The following COL8A1 variants were observed in gnomAD, a reference collection of about 807,000 sequenced individuals.
The protein encoded by COL8A1 is collagen type VIII alpha 1 chain, also known as collagen alpha-1(VIII) chain.
In COL8A1, 21 loss-of-function variants were observed where a neutral mutation model predicts 42.7. That is an observed-to-expected ratio of 0.49 (90% CI 0.35 to 0.71). The LOEUF is 0.71. Among genes scored for constraint, COL8A1 ranks in the 30% least tolerant of loss-of-function variants. The pLI is 0.01. For missense variants in COL8A1, 788 were observed against 962.4 expected, an observed-to-expected ratio of 0.82 and a Z score of 2.40; for synonymous variants, 367 against 369.1, an observed-to-expected ratio of 0.99 and a Z score of 0.06.
intron 1 of COL8A1, among the ~76,000 whole-genome samples, chr3:99,722,967 GTTATC>G (rs200710939): frequency 0.015 from 2,275 of 151,346 alleles, 28 homozygotes; most frequent in Non-Finnish European, 0.025. Context: ...TCTGTAGTGG[GTTATC>G]TTATCTTGAG....
At chr3:99,762,173 T>C (rs1941377514) in intron 2 of COL8A1, among the ~76,000 whole-genome samples, 1 of 152,214 alleles carries the variant, frequency 6.6e-6, no homozygotes, top group East Asian at 1.9e-4. Flanking sequence ...TCGCTGGTAT[T>C]TTGTTGGCTC....
chr3:99,658,120 A>C (rs978922011), intron 1 of COL8A1, among the ~76,000 whole-genome samples: 2 of 146,698 alleles, frequency 1.4e-5, no homozygotes, highest in Non-Finnish European at 3.0e-5. Flanking sequence ...ATCTCAAAAA[A>C]ACAAAAAACA....
chr3:99,690,326 T>TA (rs1236837675), intron 1 of COL8A1, among the ~76,000 whole-genome samples: 1 of 152,360 alleles, frequency 6.6e-6, no homozygotes, highest in East Asian at 1.9e-4. Flanking sequence ...ATTTATGTGA[T>TA]AAAAAACATT....
intron 1 of COL8A1, among the ~76,000 whole-genome samples, chr3:99,647,622 T>A (rs1377028812): frequency 6.6e-6 from 1 of 152,160 alleles, no homozygotes; most frequent in Non-Finnish European, 1.5e-5. Flanking sequence ...CAATGAGCAA[T>A]AAGTTCAATA....
At chr3:99,651,345 T>C (rs909038655) in intron 1 of COL8A1, among the ~76,000 whole-genome samples, 3 of 152,228 alleles carry the variant, frequency 2.0e-5, no homozygotes, top group Non-Finnish European at 4.4e-5. Flanking sequence ...GATTTTTGCT[T>C]TTCTTTCCTC....
intron 1 of COL8A1, among the ~76,000 whole-genome samples, chr3:99,667,815 G>A (rs1938412909): frequency 6.6e-6 from 1 of 152,028 alleles, no homozygotes; most frequent in African/African-American, 2.4e-5. Flanking sequence ...AAAAACAAGT[G>A]CACTTCCTCA....
rs1226605939 is a variant in COL8A1, at chr3:99,795,080, C to T, written c.1179C>T (p.Gly393=). ...PGIGGPPGEP[G]LPGIPGPMGP... ...TAGGGGGTCCTCCAGGAGAGCCAGG[C>T]CTGCCTGGAATCCCAGGTCCTATGG... Residue 393 remains glycine, a synonymous_variant, in exon 4 of 4, where the codon GGC becomes GGT. Transcript: ENST00000652472. The T allele has an allele frequency of 1.2e-6, 2 of 1,611,752 alleles. No homozygotes were observed. Among genetic ancestry groups the T allele is most frequent in the South Asian group, 1.1e-5 (1 of 90,874 alleles).
At chr3:99,779,893 T>C (rs1387091776) in intron 2 of COL8A1, among the ~76,000 whole-genome samples, 1 of 152,184 alleles carries the variant, frequency 6.6e-6, no homozygotes, top group East Asian at 1.9e-4. Flanking sequence ...GTAAAAGTTA[T>C]CATCGATCTC....
In COL8A1 at chr3:99,668,984, A is replaced by G. The variant is rs113030354; in HGVS notation, c.-129+30320A>G. ...TAGGTCAGAAATTGGGCATAGCTTA[A>G]CTGGATCCTCTGCTTCAGGGTCCCT... is the stretch of plus-strand genomic sequence containing the variant. On this transcript the variant is annotated intron_variant, in intron 1 of 3. Transcript: ENST00000652472. 1.3e-5 allele frequency among the ~76,000 whole-genome samples: 2 copies of G among 151,892 alleles called. 1 individual carries two copies. The highest frequency in any genetic ancestry group is 4.8e-5 in the African/African-American group (2 of 41,456).
chr3:99,737,515 G>C (rs1348308461), intron 1 of COL8A1, among the ~76,000 whole-genome samples: 2 of 151,862 alleles, frequency 1.3e-5, no homozygotes, highest in African/African-American at 4.8e-5. Context: ...TGAAATTCTG[G>C]GTTGAAAATT....
At chr3:99,750,025 C>CCAACTTCTTT (rs939059147) in intron 2 of COL8A1, among the ~76,000 whole-genome samples, 2 of 148,482 alleles carry the variant, frequency 1.3e-5, no homozygotes, top group African/African-American at 4.9e-5. Context: ...TAACTTGTTG[C>CCAACTTCTTT]CAACTTCTTT....
intron 1 of COL8A1, among the ~76,000 whole-genome samples, chr3:99,736,978 A>G (rs1416626304): frequency 1.3e-5 from 2 of 152,156 alleles, no homozygotes; most frequent in African/African-American, 4.8e-5. Flanking sequence ...TCCCTTTACC[A>G]TTATGTAATG....
chr3:99,751,054 T>A (rs1033411194), intron 2 of COL8A1, among the ~76,000 whole-genome samples: 20 of 152,336 alleles, frequency 1.3e-4, no homozygotes, highest in African/African-American at 4.8e-4. Flanking sequence ...ATTTTAGAGA[T>A]GCCATTTAAA....
chr3:99,658,476 T>C (rs1185091389), intron 1 of COL8A1, among the ~76,000 whole-genome samples: 3 of 152,208 alleles, frequency 2.0e-5, no homozygotes, highest in Non-Finnish European at 4.4e-5. Context: ...CATCCTTCTA[T>C]GGCATCTAAT....
At chr3:99,669,151 G>GGAGAGA (rs36015819) in intron 1 of COL8A1, among the ~76,000 whole-genome samples, 15 of 114,052 alleles carry the variant, frequency 1.3e-4, no homozygotes, top group African/African-American at 2.0e-4. Context: ...ATATATAGAG[G>GGAGAGA]GAGAGAGAGA....
chr3:99,701,978 C>G (rs986194286), intron 1 of COL8A1, among the ~76,000 whole-genome samples: 2 of 152,100 alleles, frequency 1.3e-5, no homozygotes, highest in African/African-American at 4.8e-5. Flanking sequence ...TCAGAAGGAG[C>G]CTATGATGAA....
At chr3:99,785,971 T>C (rs545765413) in intron 2 of COL8A1, among the ~76,000 whole-genome samples, 147 of 152,286 alleles carry the variant, frequency 9.7e-4, no homozygotes, top group African/African-American at 3.4e-3. Context: ...GAAAAAAGAA[T>C]ATCGTAAATA....
At chr3:99,742,818 T>C (rs1940930544) in intron 1 of COL8A1, among the ~76,000 whole-genome samples, 1 of 152,238 alleles carries the variant, frequency 6.6e-6, no homozygotes, top group African/African-American at 2.4e-5. Context: ...AACAGTGATC[T>C]TCAGCATTTG....
At chr3:99,741,492 A>G (rs1940898322) in intron 1 of COL8A1, among the ~76,000 whole-genome samples, 1 of 152,188 alleles carries the variant, frequency 6.6e-6, no homozygotes, top group African/African-American at 2.4e-5. Flanking sequence ...AACATTTTAT[A>G]TTACAATTTT....
Sources: allele counts gnomAD v4.1 joint callset (sites outside exome capture counted in the v4.1 genomes callset), GRCh38; gene constraint gnomAD v4.1.1; transcripts MANE v1.5; gene names NCBI Gene and HGNC (gene_info 2026-07-23, HGNC 2026-07-21).